The following YWHAG variants were observed in gnomAD, a reference collection of about 807,000 sequenced individuals.
YWHAG encodes tyrosine 3-monooxygenase/tryptophan 5-monooxygenase activation protein gamma.
YWHAG carries 1 observed loss-of-function variant against 23.3 expected under a neutral mutation model. That is an observed-to-expected ratio of 0.04 (90% CI 0.02 to 0.20). The LOEUF (loss-of-function observed/expected upper bound fraction) is 0.20, where lower values mean the gene tolerates loss of function less well. Among genes scored for constraint, YWHAG ranks in the 10% least tolerant of loss-of-function variants. The pLI is 1.00. For synonymous variants in YWHAG, 160 were observed against 144.0 expected (o/e 1.11, Z -0.80); for missense variants, 151 against 338.6 (o/e 0.45, Z 4.35).
chr7:76,352,947 G>A (rs764456746), intron 1 of YWHAG, among the ~76,000 whole-genome samples: 1 of 152,010 alleles, frequency 6.6e-6, no homozygotes, highest in Non-Finnish European at 1.5e-5. Flanking sequence ...CACTACATCC[G>A]GCCCATAACC....
At chr7:76,335,202 C>T (rs4727145) in intron 1 of YWHAG, among the ~76,000 whole-genome samples, 25,923 of 152,044 alleles carry the variant, frequency 0.17, 2,740 homozygotes, top group East Asian at 0.33. Context: ...GGATTACAGG[C>T]GTGTGCCACT....
chr7:76,342,858 C>T (rs773383143), intron 1 of YWHAG, among the ~76,000 whole-genome samples: 3 of 152,008 alleles, frequency 2.0e-5, no homozygotes, highest in Admixed American at 6.6e-5. Flanking sequence ...ATTAACCAGC[C>T]GGGCACAGTG....
rs891100464 is a variant in YWHAG, at chr7:76,358,971, G to C, written c.-163C>G. On this transcript the variant is annotated 5_prime_UTR_variant, in exon 1 of 2. Coordinates refer to ENST00000307630, the MANE Select transcript of YWHAG (RefSeq NM_012479.4). ...GAGGCGGCTGGAGCTGCGACCGCGG[G>C]ACCGGGCGCGAGGCGGCTGCGGCTG... 8.9e-6 allele frequency: 5 copies of C among 558,882 alleles called. No individual in the cohort carries two copies. In the African/African-American group the frequency reaches 9.9e-5, roughly 11 times the overall value. 34.6% of individuals were successfully genotyped at this position (558,882 alleles called of 1,614,324 possible).
Position 76,328,417 on chromosome 7 carries a change from A to G in YWHAG, c.*1160T>C, listed in dbSNP as rs1803485834. 1 of 152,164 alleles carries G rather than the reference A, an allele frequency of 6.6e-6. No individual in the cohort carries two copies. The highest frequency in any genetic ancestry group is 1.5e-5 in the Non-Finnish European group (1 of 68,030). The allele number at this position is 152,164 out of a possible 1,614,324, so 9.4% of individuals were successfully genotyped here. ...GGGGAGGAAAAACTGACACACTGAC[A>G]AGGCTCCCGAAATTGGACAGAATGG... is the stretch of plus-strand genomic sequence containing the variant. On this transcript the variant is annotated 3_prime_UTR_variant, in exon 2 of 2. Coordinates refer to ENST00000307630, the MANE Select transcript of YWHAG (RefSeq NM_012479.4).
chr7:76,334,512 C>T lies in YWHAG; in HGVS notation c.88-4279G>A, dbSNP rs139362537. On this transcript the variant is annotated intron_variant, in intron 1 of 1. Coordinates refer to ENST00000307630, the MANE Select transcript of YWHAG (RefSeq NM_012479.4). Reference sequence around the variant, plus strand: ...GTGCAATCACAGCTCACTGCAGCCACGCCACAAACTCCTCTGCCTCAGCCT... The same window carrying T: ...GTGCAATCACAGCTCACTGCAGCCATGCCACAAACTCCTCTGCCTCAGCCT... 5.7e-3 allele frequency among the ~76,000 whole-genome samples: 872 copies of T among 152,006 alleles called. 22 individuals are homozygous for T. Among genetic ancestry groups the T allele is most frequent in the Non-Finnish European group, 8.1e-3 (551 of 67,958 alleles).
intron 1 of YWHAG, among the ~76,000 whole-genome samples, chr7:76,341,404 CAAA>C (rs1158151013): frequency 1.1e-4 from 5 of 44,650 alleles, no homozygotes; most frequent in East Asian, 1.5e-3. Context: ...ACTCTTGCCT[CAAA>C]AAAAAAAAAA....
chr7:76,350,539 A>G (rs567723263), intron 1 of YWHAG, among the ~76,000 whole-genome samples: 3 of 152,266 alleles, frequency 2.0e-5, no homozygotes, highest in African/African-American at 7.2e-5. Flanking sequence ...CACCATCATA[A>G]AGTTGAAAAA....
At chr7:76,356,356 G>C (rs1291833166) in intron 1 of YWHAG, among the ~76,000 whole-genome samples, 3 of 152,140 alleles carry the variant, frequency 2.0e-5, no homozygotes, top group African/African-American at 7.2e-5. Flanking sequence ...ACAGGAAACA[G>C]ATTTGAAAAA....
At chr7:76,348,225 C>A (rs372825186) in intron 1 of YWHAG, among the ~76,000 whole-genome samples, 2 of 148,620 alleles carry the variant, frequency 1.3e-5, no homozygotes, top group East Asian at 2.0e-4. Context: ...GACCCCTTTT[C>A]TAGAAAAAAC....
rs182346888 is a variant in YWHAG at position 76,336,020 on chromosome 7, G to A, written c.88-5787C>T. Among the ~76,000 whole-genome samples, 39 of 152,126 alleles carry A rather than the reference G, an allele frequency of 2.6e-4. No individual in the cohort carries two copies. In the East Asian group the frequency reaches 3.9e-3, roughly 15 times the overall value. ...TTTTAATCTTCTTAAATAACTCCTCGGGGCTCAAGCAATCAATCCTCCTGC... is the reference window on the plus strand; with the variant it reads ...TTTTAATCTTCTTAAATAACTCCTCAGGGCTCAAGCAATCAATCCTCCTGC... On this transcript the variant is annotated intron_variant, in intron 1 of 1. Transcript: ENST00000307630.
chr7:76,347,518 G>A (rs1340495889), intron 1 of YWHAG, among the ~76,000 whole-genome samples: 1 of 152,114 alleles, frequency 6.6e-6, no homozygotes, highest in Non-Finnish European at 1.5e-5. Context: ...CCTGGGAGGT[G>A]GAGGTTGCAG....
chr7:76,331,878 G>A (rs1271586532), intron 1 of YWHAG, among the ~76,000 whole-genome samples: 2 of 151,948 alleles, frequency 1.3e-5, no homozygotes, highest in Admixed American at 6.6e-5. Context: ...TAAACGGGGG[G>A]TATGCTTGGC....
chr7:76,334,171 AT>A (rs2115600035), intron 1 of YWHAG, among the ~76,000 whole-genome samples: 1 of 152,300 alleles, frequency 6.6e-6, no homozygotes, highest in African/African-American at 2.4e-5. Flanking sequence ...TTAAATCAAA[AT>A]TTTTAAAAAT....
At chr7:76,333,247 G>A (rs987685542) in intron 1 of YWHAG, among the ~76,000 whole-genome samples, 8 of 152,158 alleles carry the variant, frequency 5.3e-5, no homozygotes, top group African/African-American at 1.9e-4. Flanking sequence ...TAGGATTACA[G>A]GTGTGAGCCA....
intron 1 of YWHAG, among the ~76,000 whole-genome samples, chr7:76,356,728 A>G (rs1199710574): frequency 6.6e-6 from 1 of 152,250 alleles, no homozygotes; most frequent in African/African-American, 2.4e-5. Context: ...AAAATATAAA[A>G]AAGCATCTTA....
Position 76,358,750 on chromosome 7 carries a change from T to A in YWHAG, c.59A>T (p.Tyr20Phe). The A allele has an allele frequency of 6.3e-7, 1 of 1,592,250 alleles. No individual in the cohort carries two copies. Among genetic ancestry groups the A allele is most frequent in the Non-Finnish European group, 8.5e-7 (1 of 1,170,852 alleles). Residue 20 changes from tyrosine to phenylalanine, a missense_variant, in exon 1 of 2, where the codon TAC (tyrosine) becomes TTC (phenylalanine). Physicochemically the swap from Tyr to Phe is conservative, Grantham distance 22. Coordinates refer to ENST00000307630, the MANE Select transcript of YWHAG (RefSeq NM_012479.4). ...KARLAEQAER[Y>F]DDMAAAMKNV... is the part of the protein sequence containing the mutation. ...CTTCATGGCCGCGGCCATGTCGTCG[T>A]AGCGCTCCGCCTGCTCGGCCAGCCG...
intron 1 of YWHAG, among the ~76,000 whole-genome samples, chr7:76,348,401 G>A (rs538597265): frequency 1.2e-4 from 18 of 148,288 alleles, no homozygotes; most frequent in East Asian, 2.0e-4. Context: ...GACTATAGGC[G>A]CACGCCACCA....
At chr7:76,344,006 C>T (rs1440931040) in intron 1 of YWHAG, among the ~76,000 whole-genome samples, 1 of 152,178 alleles carries the variant, frequency 6.6e-6, no homozygotes, top group Non-Finnish European at 1.5e-5. Context: ...AGTCAAAGCC[C>T]GAGATCTATC....
In YWHAG at chr7:76,358,963, G is replaced by A. The variant is rs577830845; in HGVS notation, c.-155C>T. The A allele has an allele frequency of 1.0e-5, 6 of 592,774 alleles. No homozygotes were observed. In the Admixed American group the frequency reaches 1.3e-4, roughly 13 times the overall value. 36.7% of individuals were successfully genotyped at this position (592,774 alleles called of 1,614,324 possible). ...GCGCGGAGGAGGCGGCTGGAGCTGC[G>A]ACCGCGGGACCGGGCGCGAGGCGGC... On this transcript the variant is annotated 5_prime_UTR_variant, in exon 1 of 2. Coordinates refer to ENST00000307630, the MANE Select transcript of YWHAG (RefSeq NM_012479.4).
Sources: allele counts gnomAD v4.1 joint callset (sites outside exome capture counted in the v4.1 genomes callset), GRCh38; gene constraint gnomAD v4.1.1; transcripts MANE v1.5; gene names NCBI Gene and HGNC (gene_info 2026-07-23, HGNC 2026-07-21).